The following PLPP1 variants were observed in gnomAD, a reference collection of about 807,000 sequenced individuals.
PLPP1 encodes the protein lipid phosphate phosphohydrolase 1a.
Under a neutral mutation model 31.2 loss-of-function variants are expected in PLPP1, and 24 were observed. The ratio of observed to expected loss-of-function variants is 0.77; its 90% CI spans 0.56 to 1.08. PLPP1 has a LOEUF of 1.08. Among genes scored for constraint, PLPP1 ranks in the 50% least tolerant of loss-of-function variants. PLPP1 has a pLI of 0.00. For missense variants in PLPP1, 319 were observed against 342.7 expected, an observed-to-expected ratio of 0.93 and a Z score of 0.55; for synonymous variants, 146 against 126.3, an observed-to-expected ratio of 1.16 and a Z score of -1.05.
At chr5:55,495,989 C>T (rs1357844992) in intron 1 of PLPP1, among the ~76,000 whole-genome samples, 2 of 152,150 alleles carry the variant, frequency 1.3e-5, no homozygotes, top group Admixed American at 6.5e-5. Context: ...TCCTGATTAG[C>T]TGGGACCACA....
chr5:55,499,403 T>A (rs1001654988), intron 1 of PLPP1, among the ~76,000 whole-genome samples: 1 of 152,156 alleles, frequency 6.6e-6, no homozygotes, highest in Non-Finnish European at 1.5e-5. Context: ...CTATGCACTC[T>A]CAGTAAAAAG....
At chr5:55,432,169 C>T (rs1401933267) in intron 4 of PLPP1, among the ~76,000 whole-genome samples, 1 of 148,604 alleles carries the variant, frequency 6.7e-6, no homozygotes, top group Non-Finnish European at 1.5e-5. Context: ...GTCTTGAACT[C>T]ATGGCTTCAA....
At chr5:55,530,420 C>G in intron 1 of PLPP1, 1 of 1,262,980 alleles carries the variant, frequency 7.9e-7, no homozygotes, top group South Asian at 1.2e-5. Flanking sequence ...ACAGGGGACA[C>G]TTATAAGTAG....
chr5:55,427,084 CA>C, intron 4 of PLPP1, among the ~76,000 whole-genome samples: 1 of 25,566 alleles, frequency 3.9e-5, no homozygotes, highest in Admixed American at 6.8e-4. Flanking sequence ...AGTCTGCTCT[CA>C]TTAAAAAAAA....
chr5:55,520,135 C>T (rs545908818), intron 1 of PLPP1, among the ~76,000 whole-genome samples: 25 of 152,306 alleles, frequency 1.6e-4, no homozygotes, highest in African/African-American at 6.0e-4. Flanking sequence ...TTCTAGTTTG[C>T]TGTTCTCTCT....
At chr5:55,478,871 A>G (rs1752613198) in intron 1 of PLPP1, among the ~76,000 whole-genome samples, 1 of 152,202 alleles carries the variant, frequency 6.6e-6, no homozygotes, top group African/African-American at 2.4e-5. Flanking sequence ...GTAAGGAAAT[A>G]TAAGAAAATA....
chr5:55,444,218 A>T, intron 3 of PLPP1, among the ~76,000 whole-genome samples: 1 of 37,270 alleles, frequency 2.7e-5, no homozygotes, highest in East Asian at 4.4e-4. Flanking sequence ...AATAGCAGGG[A>T]TTACAGGCTT....
At position 55,507,973 on chromosome 5, in the gene PLPP1, T is replaced by A. The variant is rs549431272; in HGVS notation, c.58+26599A>T. ...CCCAGGTTCAAGCAATTCTCATGCC[T>A]CAGCCTCCTGGAGACCTGAGATTTC... On this transcript the variant is annotated intron_variant, in intron 1 of 5. Transcript: ENST00000307259. Among the ~76,000 whole-genome samples the A allele has an allele frequency of 2.5e-4, 38 of 152,082 alleles. No homozygotes were observed. The South Asian group carries it at 7.9e-3, about 32-fold the overall frequency.
intron 4 of PLPP1, among the ~76,000 whole-genome samples, chr5:55,437,398 T>C (rs182191754): frequency 4.1e-4 from 63 of 152,216 alleles, no homozygotes; most frequent in African/African-American, 9.9e-4. Flanking sequence ...TTTTTTTCCA[T>C]TTTAAACTAG....
rs188677584 is a variant in PLPP1 at position 55,482,102 on chromosome 5, T to G, written c.59-6652A>C. Among the ~76,000 whole-genome samples the G allele has an allele frequency of 4.0e-3, 598 of 147,812 alleles. 4 individuals carry two copies. Among genetic ancestry groups the G allele is most frequent in the African/African-American group, 0.014 (570 of 40,774 alleles). On this transcript the variant is annotated intron_variant, in intron 1 of 5. Coordinates refer to ENST00000307259, the MANE Select transcript of PLPP1 (RefSeq NM_003711.4). Reference sequence around the variant, plus strand: ...ATTATATATTTATATTTAAATATTATATTTAAGTATTATATTTAAATTTTA... The same window carrying G: ...ATTATATATTTATATTTAAATATTAGATTTAAGTATTATATTTAAATTTTA...
chr5:55,446,123 TTCTA>T (rs1751759218), intron 3 of PLPP1, among the ~76,000 whole-genome samples: 1 of 152,188 alleles, frequency 6.6e-6, no homozygotes, highest in African/African-American at 2.4e-5. Context: ...CATTGGCTTC[TTCTA>T]TCTGAGGACT....
chr5:55,489,939 T>C (rs753886145), intron 1 of PLPP1, among the ~76,000 whole-genome samples: 38 of 152,238 alleles, frequency 2.5e-4, no homozygotes, highest in Admixed American at 3.9e-4. Context: ...CCAAGTCACA[T>C]AAAATGACAA....
chr5:55,485,387 T>C (rs1362018025), intron 1 of PLPP1, among the ~76,000 whole-genome samples: 2 of 152,158 alleles, frequency 1.3e-5, no homozygotes, highest in Non-Finnish European at 1.5e-5. Flanking sequence ...CTAAAAAGCC[T>C]AGTCAGCTAC....
chr5:55,434,491 G>GA (rs1346690277), intron 4 of PLPP1, among the ~76,000 whole-genome samples: 2 of 151,722 alleles, frequency 1.3e-5, no homozygotes, highest in Admixed American at 6.6e-5. Flanking sequence ...TGAGCAAAAT[G>GA]AAAAAAAGCT....
chr5:55,526,553 T>A (rs1193349860), intron 1 of PLPP1, among the ~76,000 whole-genome samples: 1 of 151,920 alleles, frequency 6.6e-6, no homozygotes, highest in Non-Finnish European at 1.5e-5. Context: ...TCTCTGTGAC[T>A]AGAATAGAGA....
In PLPP1 at chr5:55,475,279, G is replaced by GAA; in HGVS notation, c.210+18_210+19dup. The GAA allele has an allele frequency of 5.7e-6, 9 of 1,591,046 alleles. No individual in the cohort carries two copies. The highest frequency in any genetic ancestry group is 6.8e-6 in the Non-Finnish European group (8 of 1,169,214). On this transcript the variant is annotated intron_variant, in intron 2 of 5. Coordinates refer to ENST00000307259, the MANE Select transcript of PLPP1 (RefSeq NM_003711.4). ...CAAGTGCCCAAAAGTTATAAACTTG[G>GAA]AAAAGTGGATTTAACTTACAACGAT...
chr5:55,477,997 G>C (rs970141984), intron 1 of PLPP1, among the ~76,000 whole-genome samples: 3 of 150,548 alleles, frequency 2.0e-5, no homozygotes, highest in African/African-American at 7.3e-5. Flanking sequence ...AAAAAAGAAA[G>C]AAAGAAAGAA....
intron 4 of PLPP1, among the ~76,000 whole-genome samples, chr5:55,435,147 CTCAATA>C (rs1003313395): frequency 2.0e-5 from 3 of 152,130 alleles, no homozygotes; most frequent in Non-Finnish European, 4.4e-5. Flanking sequence ...TGAAAAAATT[CTCAATA>C]TCACTAACCA....
At chr5:55,456,472 C>G (rs998701036) in intron 3 of PLPP1, among the ~76,000 whole-genome samples, 1 of 152,160 alleles carries the variant, frequency 6.6e-6, no homozygotes, top group Non-Finnish European at 1.5e-5. Flanking sequence ...TGTCAAGCAT[C>G]ATAATTTTAT....
Sources: gnomAD v4.1 joint callset for allele counts (sites outside exome capture counted in the v4.1 genomes callset) on GRCh38, gnomAD v4.1.1 for gene constraint, MANE v1.5 for transcripts, NCBI Gene and HGNC (gene_info 2026-07-23, HGNC 2026-07-21) for gene names.